The following PHF24 variants were observed in gnomAD, a reference collection of about 807,000 sequenced individuals.
The protein encoded by PHF24 is Galpha inhibitory interacting protein.
PHF24 carries 25 observed loss-of-function variants against 42.6 expected under a neutral mutation model. The observed-to-expected ratio is 0.59, with a 90% confidence interval of 0.43 to 0.82. PHF24 has a LOEUF of 0.82. PHF24 is among the 40% of genes least tolerant of loss of function. PHF24 has a pLI of 0.00. For missense variants in PHF24, 470 were observed against 538.1 expected (o/e 0.87, Z 1.25); for synonymous variants, 185 against 204.8 (o/e 0.90, Z 0.83).
chr9:34,918,085 A>T, the PHF24 span: 2 of 1,527,826 alleles, frequency 1.3e-6, no homozygotes, highest in Non-Finnish European at 1.8e-6. Context: ...ACTGGATTCC[A>T]TGAAACCTCC....
chr9:34,729,207 A>G, the PHF24 span: 2 of 1,463,968 alleles, frequency 1.4e-6, no homozygotes, highest in Non-Finnish European at 1.8e-6. Flanking sequence ...TGGGGTGGGG[A>G]TTATAAGGGA....
the PHF24 span, among the ~76,000 whole-genome samples, chr9:34,929,472 C>T: frequency 1.3e-5 from 2 of 152,180 alleles, no homozygotes; most frequent in South Asian, 2.1e-4. Context: ...GCTACATCTC[C>T]AGCACCTAGC....
At chr9:34,796,109 A>G in the PHF24 span, among the ~76,000 whole-genome samples, 1 of 133,490 alleles carries the variant, frequency 7.5e-6, no homozygotes, top group Admixed American at 7.2e-5. Context: ...AATAAATTCA[A>G]TGAACAAAGG....
At chr9:34,742,129 A>G in the PHF24 span, among the ~76,000 whole-genome samples, 2 of 152,266 alleles carry the variant, frequency 1.3e-5, no homozygotes, top group African/African-American at 2.4e-5. Flanking sequence ...GAACATCTGT[A>G]TCTGTATTAG....
the PHF24 span, among the ~76,000 whole-genome samples, chr9:34,738,384 T>G: frequency 6.5e-4 from 99 of 152,282 alleles, no homozygotes; most frequent in African/African-American, 2.2e-3. Context: ...AGAGTCTCGC[T>G]CTGTCGCCCA....
the PHF24 span, among the ~76,000 whole-genome samples, chr9:34,929,830 G>A: frequency 1.3e-5 from 2 of 152,136 alleles, no homozygotes; most frequent in Admixed American, 1.3e-4. Context: ...TGGCCTCCCC[G>A]ACTCTTCATC....
At chr9:34,847,284 G>A in the PHF24 span, among the ~76,000 whole-genome samples, 104 of 152,206 alleles carry the variant, frequency 6.8e-4, 4 homozygotes, top group South Asian at 1.7e-3. Context: ...GTTGAGCAGT[G>A]GTTTGTAGTT....
At chr9:34,683,934 T>C in the PHF24 span, among the ~76,000 whole-genome samples, 2 of 152,214 alleles carry the variant, frequency 1.3e-5, no homozygotes, top group Non-Finnish European at 2.9e-5. Flanking sequence ...CATCGCCTTT[T>C]GGTGGTGCCA....
the PHF24 span, among the ~76,000 whole-genome samples, chr9:34,716,860 C>T: frequency 6.6e-6 from 1 of 152,216 alleles, no homozygotes; most frequent in South Asian, 2.1e-4. Context: ...CTGCCCACCT[C>T]AGCCTTCCAA....
the PHF24 span, chr9:34,729,203 G>A: frequency 6.9e-7 from 1 of 1,443,166 alleles, no homozygotes; most frequent in Non-Finnish European, 9.2e-7. Context: ...ATTCTGGGGT[G>A]GGGATTATAA....
the PHF24 span, among the ~76,000 whole-genome samples, chr9:34,831,308 G>A: frequency 2.0e-5 from 3 of 152,162 alleles, no homozygotes; most frequent in African/African-American, 2.4e-5. Context: ...CTGACTGGGT[G>A]CCCACCATTA....
At chr9:34,961,639 G>A (rs1385412752) in intron 1 of PHF24, among the ~76,000 whole-genome samples, 1 of 152,200 alleles carries the variant, frequency 6.6e-6, no homozygotes, top group Admixed American at 6.5e-5. Context: ...TATAGAGTAT[G>A]CCTTTTCCCA....
the PHF24 span, among the ~76,000 whole-genome samples, chr9:34,714,907 T>G: frequency 6.6e-6 from 1 of 152,178 alleles, no homozygotes; most frequent in Non-Finnish European, 1.5e-5. Context: ...TTGTGTCAGA[T>G]GGTGTGCACA....
At chr9:34,694,612 C>T in the PHF24 span, among the ~76,000 whole-genome samples, 2 of 152,128 alleles carry the variant, frequency 1.3e-5, no homozygotes, top group Non-Finnish European at 2.9e-5. Context: ...GGATTACAGG[C>T]GTGAGCCACC....
the PHF24 span, chr9:34,922,323 A>G: frequency 6.3e-7 from 1 of 1,588,658 alleles, no homozygotes; most frequent in East Asian, 2.2e-5. Context: ...AAGTTCAGCA[A>G]TGGCTTCATC....
chr9:34,850,613 T>A, the PHF24 span, among the ~76,000 whole-genome samples: 336 of 152,388 alleles, frequency 2.2e-3, 2 homozygotes, highest in African/African-American at 7.0e-3. Flanking sequence ...GTCGAAGTCA[T>A]TCTCCATCCA....
the PHF24 span, among the ~76,000 whole-genome samples, chr9:34,824,670 T>C: frequency 6.6e-6 from 1 of 152,152 alleles, no homozygotes; most frequent in African/African-American, 2.4e-5. Flanking sequence ...GGAGGCTGAT[T>C]TTAAGCTTTC....
chr9:34,786,296 C>A, the PHF24 span, among the ~76,000 whole-genome samples: 1 of 152,230 alleles, frequency 6.6e-6, no homozygotes, highest in Admixed American at 6.5e-5. Context: ...ACACATACTA[C>A]AGAGGAAGAA....
chr9:34,740,343 C>T, the PHF24 span, among the ~76,000 whole-genome samples: 40 of 152,368 alleles, frequency 2.6e-4, no homozygotes, highest in Non-Finnish European at 5.1e-4. Flanking sequence ...GGGTGGGAGG[C>T]TCAGGCATGG....
Sources: allele counts gnomAD v4.1 joint callset (sites outside exome capture counted in the v4.1 genomes callset), GRCh38; gene constraint gnomAD v4.1.1; transcripts MANE v1.5; gene names NCBI Gene and HGNC (gene_info 2026-07-23, HGNC 2026-07-21).